The following SENP7 variants were observed in gnomAD, a reference collection of about 807,000 sequenced individuals.
The protein encoded by SENP7 is SUMO specific peptidase 7, also known as sentrin-specific protease 7.
A neutral mutation model predicts 141.2 loss-of-function variants in SENP7; 64 were observed. That is an observed-to-expected ratio of 0.45 (90% CI 0.37 to 0.56). SENP7 has a LOEUF of 0.56. Ranked by LOEUF, SENP7 falls within the 20% of genes least tolerant of loss-of-function variation. The probability of loss-of-function intolerance (pLI) is 0.00; values close to 1 mark genes in which losing one functional copy is unlikely to be tolerated. For synonymous variants in SENP7, 382 were observed against 426.4 expected, an observed-to-expected ratio of 0.90 and a Z score of 1.28; for missense variants, 1,025 against 1,212.2, an observed-to-expected ratio of 0.85 and a Z score of 2.29.
chr3:101,372,950 T>A (rs1055934031), intron 6 of SENP7, among the ~76,000 whole-genome samples: 4 of 152,028 alleles, frequency 2.6e-5, no homozygotes, highest in African/African-American at 9.6e-5. Context: ...AAGTATTTCA[T>A]AATTTTAAAA....
intron 6 of SENP7, among the ~76,000 whole-genome samples, chr3:101,375,542 CCAAAAAAAAAAAAAA>C (rs1360262958): frequency 1.2e-4 from 3 of 25,510 alleles, no homozygotes; most frequent in African/African-American, 1.9e-4. Context: ...AATTCCATCT[CCAAAAAAAAAAAAAA>C]AAAAAAAAAA....
chr3:101,371,530 C>G (rs529553831), intron 7 of SENP7, among the ~76,000 whole-genome samples: 113 of 151,956 alleles, frequency 7.4e-4, no homozygotes, highest in Non-Finnish European at 1.4e-3. Flanking sequence ...TGCAAGGAGG[C>G]CTACAAAAAA....
chr3:101,334,695 C>T (rs879330700), intron 17 of SENP7, among the ~76,000 whole-genome samples: 17 of 152,268 alleles, frequency 1.1e-4, no homozygotes, highest in African/African-American at 1.9e-4. Context: ...TTACTTTCAA[C>T]TAGTGTATAG....
At chr3:101,375,644 T>G (rs2553414) in intron 6 of SENP7, among the ~76,000 whole-genome samples, 132,002 of 151,530 alleles carry the variant, frequency 0.87, 58,049 homozygotes, top group East Asian at 1. Context: ...TGAAAGCAGG[T>G]ACATGAACAG....
At chr3:101,365,669 T>C (rs1344726448) in intron 9 of SENP7, among the ~76,000 whole-genome samples, 1 of 150,394 alleles carries the variant, frequency 6.6e-6, no homozygotes, top group Non-Finnish European at 1.5e-5. Context: ...AACTTTCTAA[T>C]TAATGCAATT....
At chr3:101,447,840 A>T (rs1381712878) in intron 4 of SENP7, among the ~76,000 whole-genome samples, 1 of 152,232 alleles carries the variant, frequency 6.6e-6, no homozygotes, top group Non-Finnish European at 1.5e-5. Flanking sequence ...AAAACTTACT[A>T]CAAAGTTGCA....
intron 2 of SENP7, among the ~76,000 whole-genome samples, chr3:101,496,352 C>T (rs1244787848): frequency 6.6e-6 from 1 of 152,120 alleles, no homozygotes; most frequent in Non-Finnish European, 1.5e-5. Flanking sequence ...ACCTCTTGGG[C>T]CCAGGCAATC....
At chr3:101,502,190 T>C (rs1188543170) in intron 1 of SENP7, among the ~76,000 whole-genome samples, 1 of 152,240 alleles carries the variant, frequency 6.6e-6, no homozygotes, top group Admixed American at 6.5e-5. Context: ...TGACTGGGTG[T>C]TCACACGCAT....
chr3:101,480,329 G>A (rs890383430), intron 3 of SENP7, among the ~76,000 whole-genome samples: 1 of 152,036 alleles, frequency 6.6e-6, no homozygotes, highest in East Asian at 1.9e-4. Context: ...CAGACCCACA[G>A]AGCAATGGAA....
intron 8 of SENP7, among the ~76,000 whole-genome samples, chr3:101,367,359 T>C (rs978198796): frequency 3.9e-5 from 6 of 152,078 alleles, no homozygotes; most frequent in Non-Finnish European, 8.8e-5. Flanking sequence ...AAAATGTATG[T>C]ATTTAATATG....
At chr3:101,406,392 C>A (rs1159698770) in intron 5 of SENP7, among the ~76,000 whole-genome samples, 2 of 151,464 alleles carry the variant, frequency 1.3e-5, no homozygotes, top group African/African-American at 2.4e-5. Flanking sequence ...ATGAGAACAC[C>A]TGGACACAGG....
intron 3 of SENP7, among the ~76,000 whole-genome samples, chr3:101,462,379 T>C (rs866121459): frequency 6.6e-6 from 1 of 151,798 alleles, no homozygotes; most frequent in Middle Eastern, 3.4e-3. Context: ...CCGTCTCTAC[T>C]AAAAATACAA....
chr3:101,360,638 C>T (rs2059870721), intron 11 of SENP7, among the ~76,000 whole-genome samples: 1 of 152,090 alleles, frequency 6.6e-6, no homozygotes, highest in African/African-American at 2.4e-5. Context: ...AGAGTGGAAA[C>T]ATTTATGGAA....
chr3:101,391,941 C>T (rs1576200548), intron 6 of SENP7, among the ~76,000 whole-genome samples: 2 of 152,124 alleles, frequency 1.3e-5, no homozygotes, highest in Admixed American at 6.5e-5. Context: ...AATTGTGATA[C>T]CTCATATTAG....
intron 14 of SENP7, among the ~76,000 whole-genome samples, chr3:101,342,069 ATAG>A (rs1179421951): frequency 2.0e-5 from 3 of 152,232 alleles, no homozygotes; most frequent in Non-Finnish European, 4.4e-5. Flanking sequence ...AATGTAATAA[ATAG>A]GAGGAAATAA....
chr3:101,458,206 T>C lies in SENP7; in HGVS notation c.284+749A>G, dbSNP rs76139790. On this transcript the variant is annotated intron_variant, in intron 4 of 23. Transcript: ENST00000394095. ...ATATGTTTATATTTCCTACACACAA[T>C]TTACCTGAAAAGGGAGAATTAGACT... Among the ~76,000 whole-genome samples the C allele has an allele frequency of 2.2e-4, 34 of 152,292 alleles. No homozygotes were observed. In the East Asian group the frequency reaches 6.4e-3, roughly 29 times the overall value.
chr3:101,333,462 A>G (rs905466689), intron 17 of SENP7, among the ~76,000 whole-genome samples: 3 of 152,292 alleles, frequency 2.0e-5, no homozygotes, highest in Non-Finnish European at 4.4e-5. Flanking sequence ...TAATCTCAGG[A>G]GTTTGAGGCT....
chr3:101,360,445 A>G (rs2059864969), intron 11 of SENP7, among the ~76,000 whole-genome samples: 3 of 152,340 alleles, frequency 2.0e-5, no homozygotes, highest in South Asian at 4.1e-4. Flanking sequence ...TGTAAAGTAA[A>G]TATTTATGTG....
chr3:101,456,262 C>T (rs1434698705), intron 4 of SENP7, among the ~76,000 whole-genome samples: 1 of 152,040 alleles, frequency 6.6e-6, no homozygotes, highest in Non-Finnish European at 1.5e-5. Context: ...CAAAAATTGG[C>T]TGAGTAAACT....
Sources: gnomAD v4.1 joint callset for allele counts (sites outside exome capture counted in the v4.1 genomes callset) on GRCh38, gnomAD v4.1.1 for gene constraint, MANE v1.5 for transcripts, NCBI Gene and HGNC (gene_info 2026-07-23, HGNC 2026-07-21) for gene names.